Variants in ABTB3 observed in about 807,000 individuals in gnomAD.
ABTB3 encodes ankyrin repeat and BTB domain containing 3.
the ABTB3 span, among the ~76,000 whole-genome samples, chr12:107,581,649 A>G: frequency 1.3e-5 from 2 of 152,066 alleles, no homozygotes; most frequent in African/African-American, 2.4e-5. Context: ...TTTTTAACCA[A>G]ACCTTACAGA....
At chr12:107,404,856 T>C in the ABTB3 span, among the ~76,000 whole-genome samples, 24,752 of 152,078 alleles carry the variant, frequency 0.16, 3,948 homozygotes, top group East Asian at 0.42. Flanking sequence ...ATGCCAGCTG[T>C]GTTGAGACAC....
At chr12:107,521,277 G>GTT in the ABTB3 span, among the ~76,000 whole-genome samples, 1 of 149,796 alleles carries the variant, frequency 6.7e-6, no homozygotes, top group East Asian at 1.9e-4. Context: ...GTGTGTGTGT[G>GTT]TGTGTGTGTG....
the ABTB3 span, among the ~76,000 whole-genome samples, chr12:107,629,334 G>A: frequency 5.9e-5 from 9 of 152,156 alleles, no homozygotes; most frequent in Admixed American, 2.6e-4. Flanking sequence ...GAGGTGGGAA[G>A]ATCACTTGAG....
chr12:107,335,865 A>C, the ABTB3 span, among the ~76,000 whole-genome samples: 1 of 152,218 alleles, frequency 6.6e-6, no homozygotes, highest in African/African-American at 2.4e-5. Flanking sequence ...GGAAGAGAGA[A>C]GACAGGGCAT....
the ABTB3 span, among the ~76,000 whole-genome samples, chr12:107,642,704 C>T: frequency 1.3e-5 from 2 of 152,130 alleles, no homozygotes; most frequent in Non-Finnish European, 1.5e-5. Context: ...TCAGCGTCAT[C>T]AGGAGCTGCT....
At chr12:107,372,840 A>G in the ABTB3 span, among the ~76,000 whole-genome samples, 1 of 152,148 alleles carries the variant, frequency 6.6e-6, no homozygotes, top group Admixed American at 6.5e-5. Flanking sequence ...ATCTTTGTTC[A>G]TCATTTGTCT....
chr12:107,629,438 TGCTTC>T, the ABTB3 span, among the ~76,000 whole-genome samples: 5 of 152,180 alleles, frequency 3.3e-5, no homozygotes, highest in African/African-American at 1.2e-4. Context: ...AAAAGAATTT[TGCTTC>T]ACTCCCCTTT....
the ABTB3 span, among the ~76,000 whole-genome samples, chr12:107,638,662 T>C: frequency 6.6e-6 from 1 of 152,226 alleles, no homozygotes; most frequent in African/African-American, 2.4e-5. Flanking sequence ...CCTCTACTAA[T>C]AGTATAATGG....
the ABTB3 span, among the ~76,000 whole-genome samples, chr12:107,622,878 C>T: frequency 1.3e-5 from 2 of 152,202 alleles, no homozygotes; most frequent in Non-Finnish European, 2.9e-5. Flanking sequence ...ATATTCGTCC[C>T]ACCATTATTG....
chr12:107,338,941 C>T, the ABTB3 span, among the ~76,000 whole-genome samples: 4 of 152,182 alleles, frequency 2.6e-5, no homozygotes, highest in African/African-American at 9.7e-5. Flanking sequence ...ATCCTCTTGC[C>T]TCAGCCTCCA....
At chr12:107,603,509 G>T in the ABTB3 span, among the ~76,000 whole-genome samples, 470 of 152,240 alleles carry the variant, frequency 3.1e-3, no homozygotes, top group African/African-American at 0.011. Flanking sequence ...TGGGGAAACT[G>T]GATATCCACA....
At chr12:107,493,053 G>A in the ABTB3 span, among the ~76,000 whole-genome samples, 1 of 150,822 alleles carries the variant, frequency 6.6e-6, no homozygotes, top group Non-Finnish European at 1.5e-5. Context: ...GCAGAACGAA[G>A]CTTCCCCAGG....
chr12:107,640,255 C>G, the ABTB3 span: 2 of 1,043,168 alleles, frequency 1.9e-6, no homozygotes, highest in South Asian at 1.6e-5. Flanking sequence ...CAAGATAAAT[C>G]TAAACTTCAT....
At chr12:107,558,837 A>G in the ABTB3 span, among the ~76,000 whole-genome samples, 1 of 152,156 alleles carries the variant, frequency 6.6e-6, no homozygotes. Flanking sequence ...GAGTGAGGAG[A>G]TGTTCTGGGG....
chr12:107,545,845 C>T, the ABTB3 span, among the ~76,000 whole-genome samples: 1 of 152,172 alleles, frequency 6.6e-6, no homozygotes, highest in Admixed American at 6.5e-5. Context: ...TAGCTCTTCA[C>T]TCCTAGCCCC....
At chr12:107,496,750 T>C in the ABTB3 span, among the ~76,000 whole-genome samples, 1 of 152,054 alleles carries the variant, frequency 6.6e-6, no homozygotes, top group African/African-American at 2.4e-5. Flanking sequence ...GCTGTTATCA[T>C]CCCCACTTTA....
At chr12:107,380,830 C>A in the ABTB3 span, among the ~76,000 whole-genome samples, 1 of 151,952 alleles carries the variant, frequency 6.6e-6, no homozygotes, top group African/African-American at 2.4e-5. Flanking sequence ...TATTTATATA[C>A]TTTATGTATA....
the ABTB3 span, chr12:107,318,879 G>C: frequency 4.7e-6 from 7 of 1,496,430 alleles, no homozygotes; most frequent in Non-Finnish European, 6.3e-6. Context: ...CGCGGCACTC[G>C]CTGCTCCTCG....
chr12:107,625,775 A>T, the ABTB3 span, among the ~76,000 whole-genome samples: 1 of 152,040 alleles, frequency 6.6e-6, no homozygotes, highest in African/African-American at 2.4e-5. Context: ...GGGTGGGGGC[A>T]ATACTCTTTA....
Sources: gnomAD v4.1 joint callset for allele counts (sites outside exome capture counted in the v4.1 genomes callset) on GRCh38, gnomAD v4.1.1 for gene constraint, MANE v1.5 for transcripts, NCBI Gene and HGNC (gene_info 2026-07-23, HGNC 2026-07-21) for gene names.